Variants in ENTPD1 observed in about 807,000 individuals in gnomAD.
ENTPD1 encodes the protein ATP diphosphohydrolase.
A neutral mutation model predicts 57.0 loss-of-function variants in ENTPD1; 33 were observed. The observed-to-expected ratio is 0.58, with a 90% confidence interval of 0.44 to 0.77. The LOEUF (loss-of-function observed/expected upper bound fraction) is 0.77, where lower values mean the gene tolerates loss of function less well. Among genes scored for constraint, ENTPD1 ranks in the 30% least tolerant of loss-of-function variants. The probability of loss-of-function intolerance (pLI) is 0.00; values close to 1 mark genes in which losing one functional copy is unlikely to be tolerated. For missense variants in ENTPD1, 501 were observed against 603.4 expected (o/e 0.83, Z 1.78); for synonymous variants, 202 against 218.8 (o/e 0.92, Z 0.68).
chr10:95,773,387 T>C (rs569962694), intron 1 of ENTPD1, among the ~76,000 whole-genome samples: 8 of 152,324 alleles, frequency 5.3e-5, no homozygotes, highest in African/African-American at 1.7e-4. Flanking sequence ...CTAGGTGCAT[T>C]GTCAATGGAC....
At chr10:95,773,095 G>A (rs561204996) in intron 1 of ENTPD1, among the ~76,000 whole-genome samples, 1 of 151,890 alleles carries the variant, frequency 6.6e-6, no homozygotes, top group African/African-American at 2.4e-5. Context: ...GCCGGTGCTA[G>A]CCTCTTTTTA....
chr10:95,694,671 AAG>A, the ENTPD1 span, among the ~76,000 whole-genome samples: 3 of 109,124 alleles, frequency 2.7e-5, no homozygotes, highest in East Asian at 1.7e-3. Context: ...ATGGAAATAG[AAG>A]ATTTTTTTCC....
At chr10:95,843,972 T>C (rs778668479) in intron 4 of ENTPD1, among the ~76,000 whole-genome samples, 8 of 152,204 alleles carry the variant, frequency 5.3e-5, no homozygotes, top group Non-Finnish European at 1.0e-4. Flanking sequence ...GGAAGATTTT[T>C]CCCAGTCTGG....
At chr10:95,734,635 A>T (rs548176943) in intron 1 of ENTPD1, among the ~76,000 whole-genome samples, 1 of 152,372 alleles carries the variant, frequency 6.6e-6, no homozygotes, top group East Asian at 1.9e-4. Context: ...AACATAAAGT[A>T]CAGTAACAAG....
intron 1 of ENTPD1, among the ~76,000 whole-genome samples, chr10:95,808,179 G>A (rs1047243923): frequency 1.4e-4 from 21 of 152,340 alleles, no homozygotes; most frequent in African/African-American, 4.8e-4. Context: ...AGATAACCAT[G>A]TGGTTTTTGT....
chr10:95,758,480 G>A (rs902767620), intron 1 of ENTPD1, among the ~76,000 whole-genome samples: 1 of 152,092 alleles, frequency 6.6e-6, no homozygotes, highest in Non-Finnish European at 1.5e-5. Flanking sequence ...TCCCCTTTAA[G>A]CCTTCTCTAA....
intron 1 of ENTPD1, among the ~76,000 whole-genome samples, chr10:95,770,066 T>G (rs544964116): frequency 6.6e-6 from 1 of 151,556 alleles, no homozygotes; most frequent in South Asian, 2.1e-4. Context: ...CAAATTTAGG[T>G]CATCAGATGG....
intron 1 of ENTPD1, among the ~76,000 whole-genome samples, chr10:95,728,927 T>C (rs934366452): frequency 2.0e-5 from 3 of 152,192 alleles, no homozygotes; most frequent in African/African-American, 7.2e-5. Flanking sequence ...CTTTTTATAA[T>C]AGAGTTACAT....
At chr10:95,724,345 C>T (rs890450532) in intron 1 of ENTPD1, among the ~76,000 whole-genome samples, 1 of 151,962 alleles carries the variant, frequency 6.6e-6, no homozygotes, top group African/African-American at 2.4e-5. Flanking sequence ...TTTGGATGTC[C>T]CTTCGTGGTC....
At chr10:95,702,145 C>A in the ENTPD1 span, among the ~76,000 whole-genome samples, 1 of 151,702 alleles carries the variant, frequency 6.6e-6, no homozygotes, top group East Asian at 1.9e-4. Flanking sequence ...GATAAACAGA[C>A]AAATGTTTAG....
At chr10:95,821,943 C>G (rs945724684) in intron 1 of ENTPD1, among the ~76,000 whole-genome samples, 4 of 151,102 alleles carry the variant, frequency 2.6e-5, no homozygotes, top group Non-Finnish European at 5.9e-5. Context: ...CATTTCATTT[C>G]CTGTTCACTT....
At chr10:95,712,465 G>A (rs753362505) in intron 1 of ENTPD1, among the ~76,000 whole-genome samples, 1 of 152,154 alleles carries the variant, frequency 6.6e-6, no homozygotes. Context: ...CGATTTTAGG[G>A]AGCATGATTT....
chr10:95,772,019 T>C (rs943203968), intron 1 of ENTPD1, among the ~76,000 whole-genome samples: 3 of 152,256 alleles, frequency 2.0e-5, no homozygotes, highest in Admixed American at 6.5e-5. Context: ...ATAAAAGTTA[T>C]GTTTACACTA....
intron 1 of ENTPD1, among the ~76,000 whole-genome samples, chr10:95,776,709 A>T (rs1185673519): frequency 6.6e-6 from 1 of 152,236 alleles, no homozygotes; most frequent in East Asian, 1.9e-4. Flanking sequence ...GTTCTCGTGG[A>T]TAACATCCTG....
intron 1 of ENTPD1, among the ~76,000 whole-genome samples, chr10:95,810,697 A>G (rs1197291618): frequency 6.6e-6 from 1 of 152,274 alleles, no homozygotes; most frequent in Non-Finnish European, 1.5e-5. Context: ...TACTGAAGCC[A>G]CAAGACTGAA....
chr10:95,838,092 C>T (rs1326888892), intron 2 of ENTPD1, among the ~76,000 whole-genome samples: 3 of 152,288 alleles, frequency 2.0e-5, no homozygotes, highest in Non-Finnish European at 2.9e-5. Flanking sequence ...CAAGCGTCTC[C>T]TTCTTCTCTT....
At position 95,711,897 on chromosome 10, in the gene ENTPD1, C is replaced by T. The variant is rs983829652; in HGVS notation, c.-60C>T. The T allele has an allele frequency of 4.3e-6, 7 of 1,611,586 alleles. No individual in the cohort carries two copies. In the African/African-American group the frequency reaches 6.7e-5, roughly 15 times the overall value. On this transcript the variant is annotated 5_prime_UTR_variant, in exon 1 of 10. Transcript: ENST00000453258. ...GGCAAAGGGGAAGTTTTCCTTGGCC[C>T]CTCCAGTTTTGGTGCTGTGAACAGG...
Position 95,870,199 on chromosome 10 carries a change from A to G in ENTPD1, c.*3816A>G. 1 of 985,466 alleles carries G rather than the reference A, an allele frequency of 1.0e-6. No individual in the cohort carries two copies. Among genetic ancestry groups the G allele is most frequent in the Non-Finnish European group, 1.2e-6 (1 of 829,934 alleles). The allele number at this position is 985,466 out of a possible 1,614,324, so 61.0% of individuals were successfully genotyped here. On this transcript the variant is annotated 3_prime_UTR_variant, in exon 10 of 10. Transcript: ENST00000371205. ...TATTCAGTCCAAGATGCATGACAAG[A>G]GACCTTGGGAAAGTTTCATCTGGAT...
At chr10:95,711,427 C>T (rs565631614), upstream of ENTPD1, among the ~76,000 whole-genome samples, 3 of 152,344 alleles carry the variant, frequency 2.0e-5, no homozygotes, top group South Asian at 4.1e-4. Flanking sequence ...TGTTATATTT[C>T]TACATGGCTG....
Sources: gnomAD v4.1 joint callset for allele counts (sites outside exome capture counted in the v4.1 genomes callset) on GRCh38, gnomAD v4.1.1 for gene constraint, MANE v1.5 for transcripts, NCBI Gene and HGNC (gene_info 2026-07-23, HGNC 2026-07-21) for gene names.